Variants in ZC3H12B observed in about 807,000 individuals in gnomAD.
ZC3H12B encodes zinc finger CCCH-type containing 12B.
A neutral mutation model predicts 43.9 loss-of-function variants in ZC3H12B; 7 were observed. The observed-to-expected ratio is 0.16, with a 90% CI of 0.09 to 0.30. The LOEUF is 0.30. ZC3H12B is among the 10% of genes least tolerant of loss of function. The pLI is 1.00. For synonymous variants in ZC3H12B, 222 were observed against 241.7 expected, an observed-to-expected ratio of 0.92 and a Z score of 0.76; for missense variants, 475 against 670.2, an observed-to-expected ratio of 0.71 and a Z score of 3.22.
chrX:65,367,713 AT>A (rs1444123786), intron 1 of ZC3H12B, among the ~76,000 whole-genome samples: 1 of 110,832 alleles, frequency 9.0e-6, no homozygotes, highest in African/African-American at 3.3e-5. Flanking sequence ...AAAACTTCTA[AT>A]TTTTTTCTTT....
At chrX:65,415,648 G>A (rs896660919) in intron 3 of ZC3H12B, among the ~76,000 whole-genome samples, 1 of 111,998 alleles carries the variant, frequency 8.9e-6, no homozygotes, top group African/African-American at 3.2e-5. Flanking sequence ...GCCTGAACTA[G>A]TTTTTCAGGT....
chrX:65,118,627 A>G, the ZC3H12B span, among the ~76,000 whole-genome samples: 4 of 110,724 alleles, frequency 3.6e-5, no homozygotes, highest in African/African-American at 1.3e-4. Context: ...GAGAGGACAT[A>G]CCTGTCTTGT....
chrX:65,212,913 A>G, the ZC3H12B span, among the ~76,000 whole-genome samples: 1 of 106,441 alleles, frequency 9.4e-6, no homozygotes, highest in Non-Finnish European at 1.9e-5. Context: ...ATAAAGTCCA[A>G]CCAGTTTGTT....
the ZC3H12B span, among the ~76,000 whole-genome samples, chrX:65,219,643 G>A: frequency 9.0e-6 from 1 of 111,527 alleles, no homozygotes; most frequent in Non-Finnish European, 1.9e-5. Context: ...CCTCCAAGAA[G>A]TTGGAGATTT....
At chrX:65,398,833 G>A (rs977734142) in intron 3 of ZC3H12B, 129 bp downstream of exon 5, 2 of 111,815 alleles carry the variant, frequency 1.8e-5, no homozygotes, top group African/African-American at 6.5e-5. Context: ...CACACAAATA[G>A]ACCAGTGGAA....
At chrX:65,110,094 T>C in the ZC3H12B span, among the ~76,000 whole-genome samples, 1 of 111,371 alleles carries the variant, frequency 9.0e-6, no homozygotes, top group South Asian at 3.7e-4. Flanking sequence ...GTTTGCCATC[T>C]GTATATCCTC....
the ZC3H12B span, among the ~76,000 whole-genome samples, chrX:65,255,217 TA>T: frequency 9.9e-5 from 11 of 110,777 alleles, no homozygotes; most frequent in Non-Finnish European, 2.1e-4. Context: ...CCCTGTGAGG[TA>T]CTATACAAGA....
intron 3 of ZC3H12B, among the ~76,000 whole-genome samples, chrX:65,413,340 T>A (rs905317602): frequency 8.9e-6 from 1 of 111,903 alleles, no homozygotes; most frequent in Non-Finnish European, 1.9e-5. Context: ...GCTTTTCTTT[T>A]GGTTTCATAT....
intron 2 of ZC3H12B, among the ~76,000 whole-genome samples, chrX:65,380,626 A>G (rs2066422981): frequency 8.9e-6 from 1 of 111,824 alleles, no homozygotes; most frequent in African/African-American, 3.3e-5. Flanking sequence ...TTAAATGTAA[A>G]TGGACTAAAT....
chrX:65,340,101 AG>A, the ZC3H12B span, among the ~76,000 whole-genome samples: 1 of 111,834 alleles, frequency 8.9e-6, no homozygotes, highest in Non-Finnish European at 1.9e-5. Flanking sequence ...GAGTGAAACA[AG>A]TGAAAGAGAA....
chrX:65,280,186 A>C, the ZC3H12B span, among the ~76,000 whole-genome samples: 2 of 112,304 alleles, frequency 1.8e-5, no homozygotes, highest in African/African-American at 6.5e-5. Flanking sequence ...TCAACCACAC[A>C]TTGGAGATTA....
chrX:65,496,749 A>T (rs1344340570), intron 1 of ZC3H12B, among the ~76,000 whole-genome samples: 1 of 110,955 alleles, frequency 9.0e-6, no homozygotes, highest in Non-Finnish European at 1.9e-5. Flanking sequence ...TGAGGTCAGG[A>T]GTTCGAGACC....
intron 3 of ZC3H12B, among the ~76,000 whole-genome samples, chrX:65,454,455 C>T (rs907101907): frequency 2.7e-5 from 3 of 112,228 alleles, no homozygotes; most frequent in African/African-American, 6.5e-5. Context: ...ATTGCCGAGG[C>T]TTGAGTAGGT....
At chrX:65,429,563 G>A (rs771331295) in intron 3 of ZC3H12B, among the ~76,000 whole-genome samples, 4 of 112,616 alleles carry the variant, frequency 3.6e-5, no homozygotes, top group African/African-American at 1.3e-4. Context: ...TGCAATGAAG[G>A]GGGTGGGGGG....
At chrX:65,087,652 G>T in the ZC3H12B span, among the ~76,000 whole-genome samples, 1 of 111,620 alleles carries the variant, frequency 9.0e-6, no homozygotes, top group Non-Finnish European at 1.9e-5. Flanking sequence ...ATGAAAATGA[G>T]ACTTTGGAAG....
chrX:65,275,500 G>A, the ZC3H12B span, among the ~76,000 whole-genome samples: 1 of 112,953 alleles, frequency 8.9e-6, no homozygotes, highest in Non-Finnish European at 1.9e-5. Flanking sequence ...CCTTACCTGA[G>A]AAATAGTTTA....
chrX:65,443,347 G>A (rs1280255037), intron 3 of ZC3H12B, among the ~76,000 whole-genome samples: 1 of 110,824 alleles, frequency 9.0e-6, no homozygotes, highest in East Asian at 2.9e-4. Context: ...CACTTGCCGA[G>A]ACCAGCTCGG....
the ZC3H12B span, among the ~76,000 whole-genome samples, chrX:65,039,400 T>A: frequency 3.6e-5 from 4 of 111,868 alleles, no homozygotes; most frequent in African/African-American, 1.3e-4. Flanking sequence ...AAATTGAATT[T>A]TGACATGATT....
chrX:65,269,594 G>T, the ZC3H12B span, among the ~76,000 whole-genome samples: 5 of 110,194 alleles, frequency 4.5e-5, no homozygotes, highest in African/African-American at 1.7e-4. Flanking sequence ...CAACTTTCTG[G>T]CCACAAGCAA....
Sources: allele counts gnomAD v4.1 joint callset (sites outside exome capture counted in the v4.1 genomes callset), GRCh38; gene constraint gnomAD v4.1.1; transcripts MANE v1.5; gene names NCBI Gene and HGNC (gene_info 2026-07-23, HGNC 2026-07-21).